The following RHOBTB1 variants were observed in gnomAD, a reference collection of about 807,000 sequenced individuals.
RHOBTB1 encodes the protein Rho related BTB domain containing 1.
In RHOBTB1, 40 loss-of-function variants were observed where a neutral mutation model predicts 71.6. That is an observed-to-expected ratio of 0.56 (90% CI 0.43 to 0.73). The LOEUF is 0.73. RHOBTB1 is among the 30% of genes least tolerant of loss of function. The probability of loss-of-function intolerance (pLI) is 0.00; values close to 1 mark genes in which losing one functional copy is unlikely to be tolerated. For synonymous variants in RHOBTB1, 319 were observed against 334.9 expected (o/e 0.95, Z 0.52); for missense variants, 797 against 894.0 (o/e 0.89, Z 1.38).
At chr10:60,877,149 A>G (rs2081087275) in intron 8 of RHOBTB1, 1 of 152,262 alleles carries the variant, frequency 6.6e-6, no homozygotes, top group Non-Finnish European at 1.5e-5. Flanking sequence ...CATATATCCT[A>G]TGCAGACCTG....
intron 2 of RHOBTB1, 130 bp from the exon 3 acceptor site, chr10:60,911,682 T>A (rs1002530557): frequency 1.4e-6 from 1 of 734,540 alleles, no homozygotes; most frequent in Non-Finnish European, 2.3e-6. Flanking sequence ...CAGGAAAGAA[T>A]GTTTGGAAGT....
intron 4 of RHOBTB1, among the ~76,000 whole-genome samples, chr10:60,898,795 G>A (rs1194218033): frequency 2.0e-5 from 3 of 152,138 alleles, no homozygotes; most frequent in Non-Finnish European, 4.4e-5. Flanking sequence ...GCCCGTATCT[G>A]CATGTTTAGT....
At chr10:60,987,997 G>A (rs1041487686) in intron 1 of RHOBTB1, among the ~76,000 whole-genome samples, 2 of 130,012 alleles carry the variant, frequency 1.5e-5, no homozygotes, top group African/African-American at 2.9e-5. Context: ...GCACTGGCGC[G>A]ATCTCAGCTC....
intron 2 of RHOBTB1, among the ~76,000 whole-genome samples, chr10:60,929,787 T>A (rs2084125276): frequency 6.6e-6 from 1 of 151,974 alleles, no homozygotes; most frequent in African/African-American, 2.4e-5. Flanking sequence ...GAACAAAAAA[T>A]CAGAATAAAC....
intron 2 of RHOBTB1, among the ~76,000 whole-genome samples, chr10:60,971,859 C>A: frequency 6.6e-6 from 1 of 151,872 alleles, no homozygotes; most frequent in East Asian, 1.9e-4. Context: ...AATAAAACAA[C>A]CCCATCAAAA....
intron 9 of RHOBTB1, among the ~76,000 whole-genome samples, chr10:60,873,899 T>C (rs2080920001): frequency 6.6e-6 from 1 of 152,252 alleles, no homozygotes; most frequent in Non-Finnish European, 1.5e-5. Flanking sequence ...GTGCCTGGTA[T>C]TTGGGGAGAA....
intron 1 of RHOBTB1, among the ~76,000 whole-genome samples, chr10:60,993,249 A>G (rs1421346480): frequency 1.3e-5 from 2 of 152,142 alleles, no homozygotes; most frequent in African/African-American, 4.8e-5. Flanking sequence ...CAAAAATTAC[A>G]ATAAGCCATA....
intron 2 of RHOBTB1, among the ~76,000 whole-genome samples, chr10:60,929,279 T>A (rs554251152): frequency 6.6e-6 from 1 of 152,082 alleles, no homozygotes; most frequent in Non-Finnish European, 1.5e-5. Context: ...CCCATAAATA[T>A]GTACAACTAA....
chr10:60,975,768 C>T (rs991013757), intron 2 of RHOBTB1, among the ~76,000 whole-genome samples: 44 of 152,138 alleles, frequency 2.9e-4, no homozygotes, highest in African/African-American at 9.9e-4. Context: ...TTGGCAAAAG[C>T]TAACAGAATA....
chr10:60,903,291 G>A (rs2082497402), intron 4 of RHOBTB1, among the ~76,000 whole-genome samples: 1 of 152,156 alleles, frequency 6.6e-6, no homozygotes, highest in Admixed American at 6.5e-5. Context: ...TGTTATGTCT[G>A]GACCAAGACA....
At position 60,881,419 on chromosome 10, in the gene RHOBTB1, T is replaced by G. The variant is rs78205583; in HGVS notation, c.1576-3361A>C. Among the ~76,000 whole-genome samples, 1,269 of 152,336 alleles carry G rather than the reference T, an allele frequency of 8.3e-3. 23 individuals are homozygous for G. Among genetic ancestry groups the G allele is most frequent in the African/African-American group, 0.029 (1,186 of 41,578 alleles). ...TTACAAAGCGCTAAGTGCTCTAAGA[T>G]GTTAGTAATTGTTAATATACCAAGT... On this transcript the variant is annotated intron_variant, in intron 7 of 10. Coordinates refer to ENST00000337910, the MANE Select transcript of RHOBTB1 (RefSeq NM_014836.5).
At position 60,874,858 on chromosome 10, in the gene RHOBTB1, AT is replaced by A. The variant is rs200391093; in HGVS notation, c.1815+95del. ...GGGGACTCTGTGACTCAGTGGTGACATCTTCATTTAGACAGATGCAACAATG... is the reference window on the plus strand; with the variant it reads ...GGGGACTCTGTGACTCAGTGGTGACACTTCATTTAGACAGATGCAACAATG... On this transcript the variant is annotated intron_variant, in intron 9 of 10. Transcript: ENST00000337910. 2,932 of 868,628 alleles carry A rather than the reference AT, an allele frequency of 3.4e-3. 76 individuals are homozygous for A. In the Admixed American group the frequency reaches 0.049, roughly 14 times the overall value. 53.8% of individuals were successfully genotyped at this position (868,628 alleles called of 1,614,324 possible).
intron 2 of RHOBTB1, among the ~76,000 whole-genome samples, chr10:60,938,183 C>G (rs1255284031): frequency 6.6e-6 from 1 of 152,198 alleles, no homozygotes; most frequent in Non-Finnish European, 1.5e-5. Context: ...AGTGAGGTTT[C>G]TCCTAGTACC....
the RHOBTB1 span, among the ~76,000 whole-genome samples, chr10:60,864,144 C>T: frequency 6.6e-6 from 1 of 152,158 alleles, no homozygotes; most frequent in Non-Finnish European, 1.5e-5. Flanking sequence ...TTTCCAGTCG[C>T]CCCCTTCCTT....
chr10:60,972,947 C>T (rs886167456), intron 2 of RHOBTB1, among the ~76,000 whole-genome samples: 3 of 151,848 alleles, frequency 2.0e-5, no homozygotes, highest in African/African-American at 4.8e-5. Flanking sequence ...AGTGCAGTGT[C>T]GAAAGCAAGA....
chr10:60,901,623 G>A (rs1009252609), intron 4 of RHOBTB1, among the ~76,000 whole-genome samples: 1 of 152,188 alleles, frequency 6.6e-6, no homozygotes, highest in Non-Finnish European at 1.5e-5. Context: ...AGGAAAAACT[G>A]TATGGGCTGG....
At chr10:60,995,399 A>C (rs2087014288) in intron 1 of RHOBTB1, among the ~76,000 whole-genome samples, 1 of 152,160 alleles carries the variant, frequency 6.6e-6, no homozygotes, top group South Asian at 2.1e-4. Flanking sequence ...GCTCCAGAGC[A>C]CCCAAGATAT....
chr10:60,866,635 G>C (rs1212111850), downstream of RHOBTB1, among the ~76,000 whole-genome samples: 1 of 152,062 alleles, frequency 6.6e-6, no homozygotes, highest in Non-Finnish European at 1.5e-5. Flanking sequence ...GCTCCCGAGT[G>C]AATCAGTGGT....
At chr10:60,912,374 C>A (rs1370902750) in intron 2 of RHOBTB1, among the ~76,000 whole-genome samples, 1 of 152,108 alleles carries the variant, frequency 6.6e-6, no homozygotes, top group Admixed American at 6.5e-5. Context: ...GCTGGCATTA[C>A]AGGTGCCCAC....
Sources: allele counts gnomAD v4.1 joint callset (sites outside exome capture counted in the v4.1 genomes callset), GRCh38; gene constraint gnomAD v4.1.1; transcripts MANE v1.5; gene names NCBI Gene and HGNC (gene_info 2026-07-23, HGNC 2026-07-21).